CHLSN: variants seen among roughly 807,000 people sequenced by gnomAD.
The protein encoded by CHLSN is cholesin.
the CHLSN span, among the ~76,000 whole-genome samples, chr7:1,027,733 C>T: frequency 1.3e-5 from 2 of 152,380 alleles, no homozygotes; most frequent in African/African-American, 2.4e-5. Context: ...GGCTTCCGAG[C>T]GCCCGACGGG....
chr7:1,024,431 G>A, the CHLSN span: 3 of 152,256 alleles, frequency 2.0e-5, no homozygotes, highest in African/African-American at 7.2e-5. Context: ...CATGGGACAG[G>A]AGAGACGCAG....
the CHLSN span, chr7:1,010,267 G>A: frequency 2.4e-4 from 205 of 861,068 alleles, no homozygotes; most frequent in Non-Finnish European, 3.2e-4. Flanking sequence ...CCCAAGCACT[G>A]GGTCTGGCCC....
At chr7:1,093,284 G>A in the CHLSN span, 1 of 434,290 alleles carries the variant, frequency 2.3e-6, no homozygotes, top group Non-Finnish European at 4.8e-6. Flanking sequence ...GCCACCGTGG[G>A]GGAACTGACG....
the CHLSN span, among the ~76,000 whole-genome samples, chr7:1,014,273 C>T: frequency 6.6e-6 from 1 of 152,228 alleles, no homozygotes; most frequent in Admixed American, 6.5e-5. Flanking sequence ...GAGAAGCTGA[C>T]ACTGTTTGAG....
chr7:1,017,601 C>G, the CHLSN span, among the ~76,000 whole-genome samples: 1 of 152,172 alleles, frequency 6.6e-6, no homozygotes, highest in African/African-American at 2.4e-5. Context: ...CAGCTACACA[C>G]CCTCCTGCAC....
the CHLSN span, among the ~76,000 whole-genome samples, chr7:1,077,593 G>A: frequency 3.3e-5 from 5 of 152,262 alleles, no homozygotes; most frequent in African/African-American, 9.6e-5. Context: ...CAGGTGCCCC[G>A]TGCACAGGCA....
At chr7:1,007,185 G>C in the CHLSN span, among the ~76,000 whole-genome samples, 1 of 152,186 alleles carries the variant, frequency 6.6e-6, no homozygotes, top group Non-Finnish European at 1.5e-5. Context: ...GAACAATCCG[G>C]GGTCTCCTCC....
At chr7:991,275 G>A in the CHLSN span, among the ~76,000 whole-genome samples, 1 of 152,016 alleles carries the variant, frequency 6.6e-6, no homozygotes, top group African/African-American at 2.4e-5. Flanking sequence ...GACCCCGCTC[G>A]CCCGACTCAC....
At chr7:1,108,637 AC>A in the CHLSN span, among the ~76,000 whole-genome samples, 1 of 151,926 alleles carries the variant, frequency 6.6e-6, no homozygotes, top group Non-Finnish European at 1.5e-5. Context: ...AGGATTTTGT[AC>A]CTCCCATTTT....
At chr7:1,109,769 G>T in the CHLSN span, among the ~76,000 whole-genome samples, 5 of 152,016 alleles carry the variant, frequency 3.3e-5, 1 homozygote, top group African/African-American at 7.2e-5. Flanking sequence ...CGCCCGCCGG[G>T]CCCTGGGGCA....
the CHLSN span, chr7:1,127,366 T>C: frequency 6.2e-6 from 10 of 1,607,950 alleles, no homozygotes; most frequent in East Asian, 4.5e-5. Context: ...TTCAGGAACT[T>C]TTCTCTTCTG....
At chr7:1,016,222 C>T in the CHLSN span, among the ~76,000 whole-genome samples, 413 of 57,964 alleles carry the variant, frequency 7.1e-3, 33 homozygotes, top group African/African-American at 0.046. Context: ...CACAGCAGCA[C>T]ACGCCAGCAC....
chr7:1,047,427 T>G, the CHLSN span, among the ~76,000 whole-genome samples: 7 of 152,258 alleles, frequency 4.6e-5, no homozygotes, highest in Admixed American at 3.9e-4. Context: ...AATGAACCAT[T>G]TCTTATCACA....
the CHLSN span, among the ~76,000 whole-genome samples, chr7:1,016,812 C>CAG: frequency 4.7e-5 from 3 of 63,754 alleles, no homozygotes; most frequent in African/African-American, 3.7e-4. Flanking sequence ...GCAGCACACA[C>CAG]CAGCGCACAG....
chr7:1,118,455 T>G, the CHLSN span, among the ~76,000 whole-genome samples: 5 of 152,208 alleles, frequency 3.3e-5, no homozygotes, highest in African/African-American at 9.7e-5. Context: ...ATAACCATTA[T>G]GACACACCAA....
the CHLSN span, chr7:985,290 G>A: frequency 6.4e-7 from 1 of 1,551,628 alleles, no homozygotes; most frequent in Non-Finnish European, 8.7e-7. Flanking sequence ...TCATCGATGA[G>A]GTCATGGTCC....
At chr7:1,027,476 C>G in the CHLSN span, among the ~76,000 whole-genome samples, 1 of 152,250 alleles carries the variant, frequency 6.6e-6, no homozygotes, top group African/African-American at 2.4e-5. Context: ...GCCACCGCCT[C>G]CTCAGAAGAT....
the CHLSN span, among the ~76,000 whole-genome samples, chr7:990,030 T>C: frequency 8.1e-4 from 4 of 4,940 alleles, no homozygotes; most frequent in African/African-American, 4.7e-3. Context: ...CTGGGGGCGG[T>C]GTGGTCGGCA....
the CHLSN span, among the ~76,000 whole-genome samples, chr7:1,083,116 T>A: frequency 6.6e-6 from 1 of 151,856 alleles, no homozygotes; most frequent in East Asian, 2.0e-4. Context: ...TTCTGTAAAG[T>A]GCCCCTGGCA....
Sources: gnomAD v4.1 joint callset for allele counts (sites outside exome capture counted in the v4.1 genomes callset) on GRCh38, gnomAD v4.1.1 for gene constraint, MANE v1.5 for transcripts, NCBI Gene and HGNC (gene_info 2026-07-23, HGNC 2026-07-21) for gene names.